The following PTPRD variants were observed in gnomAD, a reference collection of about 807,000 sequenced individuals.
PTPRD encodes the protein receptor-type tyrosine-protein phosphatase delta.
Under a neutral mutation model 214.5 loss-of-function variants are expected in PTPRD, and 34 were observed. The observed-to-expected ratio is 0.16, with a 90% CI of 0.12 to 0.21. The LOEUF (loss-of-function observed/expected upper bound fraction) is 0.21. Ranked by LOEUF, PTPRD falls within the 10% of genes least tolerant of loss-of-function variation. The probability of loss-of-function intolerance (pLI) is 1.00; values close to 1 mark genes in which losing one functional copy is unlikely to be tolerated. For synonymous variants in PTPRD, 1,128 were observed against 845.7 expected, an observed-to-expected ratio of 1.33 and a Z score of -5.79; for missense variants, 2,545 against 2,398.7, an observed-to-expected ratio of 1.06 and a Z score of -1.27.
At chr9:9,054,945 G>A (rs757099011) in intron 10 of PTPRD, among the ~76,000 whole-genome samples, 14 of 152,068 alleles carry the variant, frequency 9.2e-5, no homozygotes, top group Non-Finnish European at 1.8e-4. Context: ...ATATATGATC[G>A]GGATGTCTAT....
chr9:10,236,726 C>T (rs1296081117), intron 3 of PTPRD, among the ~76,000 whole-genome samples: 3 of 151,892 alleles, frequency 2.0e-5, no homozygotes, highest in African/African-American at 7.2e-5. Context: ...ATCTCTCAAA[C>T]TTATTTAATA....
intron 2 of PTPRD, among the ~76,000 whole-genome samples, chr9:10,546,735 G>C (rs548978308): frequency 7.9e-5 from 12 of 152,100 alleles, no homozygotes; most frequent in African/African-American, 2.4e-4. Context: ...CCTATAGAAA[G>C]GGTTCTAGCA....
chr9:10,478,321 A>G (rs2757853), intron 2 of PTPRD, among the ~76,000 whole-genome samples: 133,577 of 152,146 alleles, frequency 0.88, 58,790 homozygotes, highest in East Asian at 1. Flanking sequence ...AAAATATAAA[A>G]TATGAATTTT....
intron 19 of PTPRD, 56 bp downstream of exon 19, chr9:8,523,457 T>A: frequency 6.3e-7 from 1 of 1,576,570 alleles, no homozygotes; most frequent in Non-Finnish European, 8.7e-7. Flanking sequence ...GTATTCTTTG[T>A]TATTGGTTTA....
At chr9:8,491,439 G>C (rs951545029) in intron 27 of PTPRD, among the ~76,000 whole-genome samples, 1 of 152,106 alleles carries the variant, frequency 6.6e-6, no homozygotes, top group African/African-American at 2.4e-5. Flanking sequence ...ATGGGCAACA[G>C]GGGAGTGGTG....
chr9:9,404,878 G>T (rs1282989956), intron 8 of PTPRD, among the ~76,000 whole-genome samples: 3 of 152,052 alleles, frequency 2.0e-5, no homozygotes, highest in African/African-American at 4.8e-5. Flanking sequence ...TGTGCTAGAT[G>T]GGATGGTTTA....
intron 3 of PTPRD, among the ~76,000 whole-genome samples, chr9:10,096,004 T>C (rs974924881): frequency 6.6e-6 from 1 of 151,602 alleles, no homozygotes; most frequent in Non-Finnish European, 1.5e-5. Context: ...GAATTCTGTA[T>C]ATTCCTTTGC....
chr9:10,363,991 G>GTTTTTGTTTTTT (rs1555222212), intron 2 of PTPRD, among the ~76,000 whole-genome samples: 4 of 35,132 alleles, frequency 1.1e-4, no homozygotes, highest in Admixed American at 2.9e-4. Context: ...ACATTTTCGG[G>GTTTTTGTTTTTT]TTTTTTTTTT....
chr9:10,223,825 A>G lies in PTPRD; in HGVS notation c.-545+117138T>C, dbSNP rs1043471728. Reference sequence around the variant, plus strand: ...TCTAATAATAGCTTCCATATACACAAAACATGCTTTTGCAAATCCTGGAAA... The same window carrying G: ...TCTAATAATAGCTTCCATATACACAGAACATGCTTTTGCAAATCCTGGAAA... On this transcript the variant is annotated intron_variant, in intron 3 of 45. Coordinates refer to ENST00000381196, the MANE Select transcript of PTPRD (RefSeq NM_002839.4). 2.0e-5 allele frequency among the ~76,000 whole-genome samples: 3 copies of G among 151,460 alleles called. No individual in the cohort carries two copies. In the East Asian group the frequency reaches 5.8e-4, roughly 30 times the overall value.
intron 8 of PTPRD, among the ~76,000 whole-genome samples, chr9:9,511,523 T>G (rs902107536): frequency 1.4e-4 from 22 of 151,752 alleles, no homozygotes; most frequent in African/African-American, 5.3e-4. Flanking sequence ...CTTGGTATCA[T>G]TCTTTGAAGA....
At chr9:9,769,069 T>C (rs889486167) in intron 5 of PTPRD, among the ~76,000 whole-genome samples, 2 of 151,988 alleles carry the variant, frequency 1.3e-5, no homozygotes, top group Non-Finnish European at 2.9e-5. Flanking sequence ...TTAACTTTAA[T>C]ATAGGCTAAT....
chr9:9,361,142 T>C (rs1032208442), intron 9 of PTPRD, among the ~76,000 whole-genome samples: 2 of 151,240 alleles, frequency 1.3e-5, no homozygotes, highest in African/African-American at 4.8e-5. Flanking sequence ...TGCAGGTAAT[T>C]TGGGGGACCC....
chr9:8,370,890 T>C (rs1564344984), intron 39 of PTPRD, among the ~76,000 whole-genome samples: 2 of 152,088 alleles, frequency 1.3e-5, no homozygotes, highest in Non-Finnish European at 1.5e-5. Context: ...TTACCTGGCC[T>C]CTGCTGTTTT....
At chr9:9,766,336 TG>T (rs2098706914) in intron 6 of PTPRD, among the ~76,000 whole-genome samples, 1 of 152,192 alleles carries the variant, frequency 6.6e-6, no homozygotes, top group Admixed American at 6.5e-5. Context: ...TTTACTGAGC[TG>T]TTAATGTGTT....
At position 8,353,937 on chromosome 9, in the gene PTPRD, C is replaced by CATATATATATATAT. The variant is rs59488682; in HGVS notation, c.4662-11973_4662-11960dup. On this transcript the variant is annotated intron_variant, in intron 39 of 45. Coordinates refer to ENST00000381196, the MANE Select transcript of PTPRD (RefSeq NM_002839.4). ...ATATATGTATATATATGTGTGTGTACATATATATATATATATATATATATA... is the reference window on the plus strand; with the variant it reads ...ATATATGTATATATATGTGTGTGTACATATATATATATATATATATATATATATATATATATATA... Among the ~76,000 whole-genome samples the CATATATATATATAT allele has an allele frequency of 1.2e-3, 72 of 61,292 alleles. 6 individuals carry two copies. Among genetic ancestry groups the CATATATATATATAT allele is most frequent in the African/African-American group, 4.7e-3 (69 of 14,774 alleles). 40.2% of individuals were successfully genotyped at this position (61,292 alleles called of 152,430 possible).
intron 3 of PTPRD, among the ~76,000 whole-genome samples, chr9:10,068,550 G>A (rs535862143): frequency 2.0e-5 from 3 of 151,922 alleles, no homozygotes; most frequent in African/African-American, 7.2e-5. Context: ...AGACTTTGAA[G>A]ATGCGAGGTA....
chr9:8,333,707 T>C (rs963100314), intron 43 of PTPRD, among the ~76,000 whole-genome samples: 3 of 152,114 alleles, frequency 2.0e-5, no homozygotes, highest in Non-Finnish European at 4.4e-5. Flanking sequence ...ATAACAATAT[T>C]AACCTTAAAT....
chr9:10,477,117 C>G (rs2099067926), intron 2 of PTPRD, among the ~76,000 whole-genome samples: 1 of 151,992 alleles, frequency 6.6e-6, no homozygotes, highest in African/African-American at 2.4e-5. Context: ...GCAACATAAG[C>G]CAAAACTGAC....
At chr9:9,485,073 C>G (rs2095571936) in intron 8 of PTPRD, among the ~76,000 whole-genome samples, 1 of 152,168 alleles carries the variant, frequency 6.6e-6, no homozygotes. Context: ...CCATTTGCCT[C>G]TTGCAGTTTT....
Sources: allele counts gnomAD v4.1 joint callset (sites outside exome capture counted in the v4.1 genomes callset), GRCh38; gene constraint gnomAD v4.1.1; transcripts MANE v1.5; gene names NCBI Gene and HGNC (gene_info 2026-07-23, HGNC 2026-07-21).